The following UROC1 variants were observed in gnomAD, a reference collection of about 807,000 sequenced individuals.
The protein encoded by UROC1 is urocanate hydratase.
A neutral mutation model predicts 89.5 loss-of-function variants in UROC1; 79 were observed. That is an observed-to-expected ratio of 0.88 (90% CI 0.74 to 1.06). UROC1 has a LOEUF of 1.06. UROC1 is among the 50% of genes least tolerant of loss of function. The pLI is 0.00. For missense variants in UROC1, 885 were observed against 907.8 expected (o/e 0.97, Z 0.32); for synonymous variants, 361 against 354.8 (o/e 1.02, Z -0.20).
Position 126,492,449 on chromosome 3 carries a change from A to G in UROC1, c.1577T>C (p.Ile526Thr). 1 of 1,613,780 alleles carries G rather than the reference A, an allele frequency of 6.2e-7. No homozygotes were observed. The highest frequency in any genetic ancestry group is 8.5e-7 in the Non-Finnish European group (1 of 1,179,980). Residue 526 changes from isoleucine (I) to threonine (T), a missense_variant, in exon 16 of 20, where the codon ATT (isoleucine) becomes ACT (threonine). Transcript: ENST00000290868. ...CCTCCTGCAGGCGATGGCCTGGTTA[A>G]TGGCCACAGCGATGGCCACGCGGCC... ...QKGRVAIAVAINQAIACRRIK... is the reference protein window; with the variant it reads ...QKGRVAIAVATNQAIACRRIK...
intron 16 of UROC1, among the ~76,000 whole-genome samples, chr3:126,491,175 A>G (rs1935641707): frequency 1.3e-5 from 2 of 152,126 alleles, no homozygotes; most frequent in South Asian, 4.1e-4. Flanking sequence ...TCTCAGCTCA[A>G]CGTTAGCAAC....
At position 126,492,436 on chromosome 3, in the gene UROC1, G is replaced by T; in HGVS notation, c.1590C>A (p.Ile530=). 6.2e-7 allele frequency: 1 copy of T among 1,613,556 alleles called. No individual in the cohort carries two copies. The highest frequency in any genetic ancestry group is 8.5e-7 in the Non-Finnish European group (1 of 1,179,902). ...VAIAVAINQA[I]ACRRIKAPVV... is the part of the protein sequence containing the mutation. ...ACCTCACCTTGATCCTCCTGCAGGC[G>T]ATGGCCTGGTTAATGGCCACAGCGA... Residue 530 remains isoleucine (I), a synonymous_variant, in exon 16 of 20, where the codon ATC becomes ATA. Coordinates refer to ENST00000290868, the MANE Select transcript of UROC1 (RefSeq NM_144639.3).
intron 6 of UROC1, 82 bp from the exon 7 acceptor site, chr3:126,506,093 G>T: frequency 6.7e-7 from 1 of 1,485,496 alleles, no homozygotes; most frequent in Non-Finnish European, 9.4e-7. Flanking sequence ...TTAGGAGGTT[G>T]AAAATTAGTA....
Position 126,488,278 on chromosome 3 carries a change from G to A in UROC1, c.1710C>T (p.Asp570=). The A allele has an allele frequency of 6.2e-7, 1 of 1,614,262 alleles. No homozygotes were observed. Among genetic ancestry groups the A allele is most frequent in the Admixed American group, 1.7e-5 (1 of 60,036 alleles). Residue 570 remains aspartate, a splice_region_variant and synonymous_variant, in exon 18 of 20, where the codon GAC becomes GAT. Transcript: ENST00000290868. ...CTCCCACGAAGTTCTGCACAGCCAT[G>A]TCTGCGGAAATAGAGACGCCTCTGC... ...NIYDGSAFCA[D]MAVQNFVGDA...
chr3:126,505,139 A>G (rs1317634455), intron 8 of UROC1, among the ~76,000 whole-genome samples: 3 of 152,190 alleles, frequency 2.0e-5, no homozygotes, highest in Non-Finnish European at 4.4e-5. Context: ...CCTCAACAGA[A>G]GCAGATGTGG....
chr3:126,509,109 G>C (rs1001342956), intron 3 of UROC1, among the ~76,000 whole-genome samples: 1 of 151,852 alleles, frequency 6.6e-6, no homozygotes, highest in African/African-American at 2.4e-5. Flanking sequence ...GGTGGCGGGT[G>C]CCTGTAGTCC....
chr3:126,499,971 G>A (rs1390327226), intron 12 of UROC1, 86 bp downstream of exon 12: 6 of 1,322,630 alleles, frequency 4.5e-6, no homozygotes, highest in Middle Eastern at 1.9e-4. Context: ...GCACCTCCGA[G>A]TGAGGTGGGA....
intron 6 of UROC1, 39 bp downstream of exon 6, chr3:126,507,703 G>A (rs371291799): frequency 8.3e-5 from 133 of 1,605,174 alleles, no homozygotes; most frequent in Non-Finnish European, 1.0e-4. Flanking sequence ...CATGGCTAAC[G>A]GGGAAACACG....
At chr3:126,507,643 A>G (rs547371596) in intron 6 of UROC1, 99 bp downstream of exon 6, 64 of 1,222,884 alleles carry the variant, frequency 5.2e-5, no homozygotes, top group African/African-American at 8.9e-5. Context: ...TTCTGTGACT[A>G]TGTCTTTCAA....
chr3:126,504,013 C>T lies in UROC1; in HGVS notation c.884G>A (p.Arg295His), dbSNP rs139894266. 24,715 of 1,614,070 alleles carry T rather than the reference C, an allele frequency of 0.015. 227 individuals carry two copies. The highest frequency in any genetic ancestry group is 0.017 in the Non-Finnish European group (20,359 of 1,180,026). ...GCTGTACCTGAGCCTCTGGATGCAG[C>T]GGTCCAAGCTGTCAGTCACTTCCAT... ...WLMEVTDSLD[R>H]CIQRLREARK... is the part of the protein sequence containing the mutation. The change falls in exon 9 of 20, where the codon CGC (arginine) becomes CAC (histidine). Residue 295 changes from arginine (R) to histidine (H), a missense_variant. Coordinates refer to ENST00000290868, the MANE Select transcript of UROC1 (RefSeq NM_144639.3).
chr3:126,504,632 C>G (rs1171614234), intron 8 of UROC1, among the ~76,000 whole-genome samples: 2 of 152,164 alleles, frequency 1.3e-5, no homozygotes, highest in African/African-American at 2.4e-5. Context: ...AAATAAAACC[C>G]TATTTACACA....
Position 126,484,983 on chromosome 3 carries a change from G to A in UROC1, c.1791-1515C>T, listed in dbSNP as rs1054365727. Among the ~76,000 whole-genome samples, 7 of 152,210 alleles carry A rather than the reference G, an allele frequency of 4.6e-5. No individual in the cohort carries two copies. The South Asian group carries it at 1.2e-3, about 27-fold the overall frequency. ...AGAGACCAAGGCCGCTCAGCTTCAG[G>A]TGACCTTGGCAAACTGACCACAGAG... On this transcript the variant is annotated intron_variant, in intron 18 of 19. Coordinates refer to ENST00000290868, the MANE Select transcript of UROC1 (RefSeq NM_144639.3).
intron 9 of UROC1, among the ~76,000 whole-genome samples, chr3:126,502,482 C>G (rs1373599971): frequency 6.9e-6 from 1 of 145,740 alleles, no homozygotes; most frequent in East Asian, 2.1e-4. Flanking sequence ...TGTGTGCATA[C>G]GTATTGTGTT....
Position 126,489,292 on chromosome 3 carries a change from G to C in UROC1, c.1692C>G (p.Gly564=). Reference sequence around the variant, plus strand: ...CTTCCTCACCTGCACAGAAGGCAGAGCCGTCGTAAATGTTGGAGGTCTCCC... The same window carrying C: ...CTTCCTCACCTGCACAGAAGGCAGACCCGTCGTAAATGTTGGAGGTCTCCC... ...PFRETSNIYD[G]SAFCADMAVQ... Residue 564 remains glycine, a synonymous_variant, in exon 17 of 20, where the codon GGC becomes GGG. Coordinates refer to ENST00000290868, the MANE Select transcript of UROC1 (RefSeq NM_144639.3). 6.8e-6 allele frequency: 11 copies of C among 1,613,714 alleles called. No homozygotes were observed. Among genetic ancestry groups the C allele is most frequent in the African/African-American group, 4.0e-5 (3 of 75,058 alleles).
chr3:126,494,554 G>A (rs1040684384), intron 15 of UROC1, among the ~76,000 whole-genome samples: 5 of 152,174 alleles, frequency 3.3e-5, no homozygotes, highest in African/African-American at 1.2e-4. Flanking sequence ...ACAGGGGCAG[G>A]CCTCTCCTGG....
Position 126,504,003 on chromosome 3 carries a change from C to G in UROC1, c.894G>C (p.Gln298His). Residue 298 changes from glutamine (Q) to histidine (H), a missense_variant, in exon 9 of 20, where the codon CAG (glutamine) becomes CAC (histidine). Physicochemically the swap from Gln to His is conservative, Grantham distance 24. Coordinates refer to ENST00000290868, the MANE Select transcript of UROC1 (RefSeq NM_144639.3). ...TGAGCTTGGAGCTGTACCTGAGCCT[C>G]TGGATGCAGCGGTCCAAGCTGTCAG... ...EVTDSLDRCI[Q>H]RLREARKKKE... is the part of the protein sequence containing the mutation. 2 of 1,614,120 alleles carry G rather than the reference C, an allele frequency of 1.2e-6. No homozygotes were observed. The highest frequency in any genetic ancestry group is 1.7e-6 in the Non-Finnish European group (2 of 1,180,028).
In UROC1 at chr3:126,488,071, G is replaced by A. The variant is rs183156056; in HGVS notation, c.1790+127C>T. The stretch of plus-strand genomic sequence containing the variant: ...CGCAAGGAACACATTTTCCACAAAG[G>A]TGAGGGCAGGGGAGGTGACCAGGGA... On this transcript the variant is annotated intron_variant, in intron 18 of 19. Transcript: ENST00000290868. 3.1e-4 allele frequency: 312 copies of A among 1,016,802 alleles called. 1 individual carries two copies. In the African/African-American group the frequency reaches 4.1e-3, roughly 13 times the overall value. 63.0% of individuals were successfully genotyped at this position (1,016,802 alleles called of 1,614,324 possible).
rs1935767469 is a variant in UROC1, at chr3:126,496,033, C to T, written c.1509+5G>A. On this transcript the variant is annotated splice_donor_5th_base_variant and intron_variant, in intron 15 of 19. Transcript: ENST00000290868. The stretch of plus-strand genomic sequence containing the variant: ...CCCCAGCCTCCCCCAGGCCTGGGCC[C>T]TCACCAGCCGGTGCCTGGCGGCCTC... 6.8e-6 allele frequency: 11 copies of T among 1,612,686 alleles called. No homozygotes were observed. The highest frequency in any genetic ancestry group is 2.2e-5 in the East Asian group (1 of 44,886).
intron 1 of UROC1, among the ~76,000 whole-genome samples, chr3:126,512,574 A>C (rs1936219518): frequency 6.6e-6 from 1 of 151,960 alleles, no homozygotes; most frequent in East Asian, 1.9e-4. Context: ...AAAAATAAAA[A>C]ATTGCCAGGC....
Sources: gnomAD v4.1 joint callset for allele counts (sites outside exome capture counted in the v4.1 genomes callset) on GRCh38, gnomAD v4.1.1 for gene constraint, MANE v1.5 for transcripts, NCBI Gene and HGNC (gene_info 2026-07-23, HGNC 2026-07-21) for gene names.